SYTL3: variants seen among roughly 807,000 people sequenced by gnomAD.
SYTL3 encodes synaptotagmin like 3.
A neutral mutation model predicts 82.1 loss-of-function variants in SYTL3; 88 were observed. The ratio of observed to expected loss-of-function variants is 1.07; its 90% CI spans 0.90 to 1.28. SYTL3 has a LOEUF of 1.28. Among genes scored for constraint, SYTL3 ranks in the 50% most tolerant of loss-of-function variants. The probability of loss-of-function intolerance (pLI) is 0.00; values close to 1 mark genes in which losing one functional copy is unlikely to be tolerated. For synonymous variants in SYTL3, 311 were observed against 289.4 expected, an observed-to-expected ratio of 1.07 and a Z score of -0.76; for missense variants, 831 against 757.6, an observed-to-expected ratio of 1.10 and a Z score of -1.14.
chr6:158,672,552 GTTTC>G (rs1182212045), intron 5 of SYTL3, among the ~76,000 whole-genome samples: 5 of 109,116 alleles, frequency 4.6e-5, no homozygotes, highest in Non-Finnish European at 7.6e-5. Flanking sequence ...TGGTTTTTTT[GTTTC>G]TTTTTTTTTT....
intron 10 of SYTL3, among the ~76,000 whole-genome samples, chr6:158,718,661 C>T (rs1309327062): frequency 6.6e-6 from 1 of 152,228 alleles, no homozygotes; most frequent in African/African-American, 2.4e-5. Context: ...GCTCTTCCCC[C>T]GCTGTCCACA....
rs1165476971 is a variant in SYTL3 at position 158,742,113 on chromosome 6, C to CT, written c.856-3362dup. Among the ~76,000 whole-genome samples, 10 of 152,276 alleles carry CT rather than the reference C, an allele frequency of 6.6e-5. No homozygotes were observed. The Middle Eastern group carries it at 0.01, about 155-fold the overall frequency. On this transcript the variant is annotated intron_variant, in intron 11 of 17. Coordinates refer to ENST00000611299, the MANE Select transcript of SYTL3 (RefSeq NM_001242394.2). ...CGAATAAGAAAACTGCTCAAATTTG[C>CT]TTTTTGTCTAACATCATTTCCATAG...
rs71298903 is a variant in SYTL3, at chr6:158,674,085, A to AAATAATAAT, written c.329+8500_329+8508dup. On this transcript the variant is annotated intron_variant, in intron 5 of 17. Transcript: ENST00000611299. ...GGCAACATAGTGAGACTGTGTCTCA[A>AAATAATAAT]AATAATAATAATAATAATAATAATA... is the stretch of plus-strand genomic sequence containing the variant. Among the ~76,000 whole-genome samples, 533 of 126,032 alleles carry AAATAATAAT rather than the reference A, an allele frequency of 4.2e-3. 1 individual carries two copies. Among genetic ancestry groups the AAATAATAAT allele is most frequent in the East Asian group, 8.1e-3 (19 of 2,358 alleles). 82.7% of individuals were successfully genotyped at this position (126,032 alleles called of 152,430 possible).
At chr6:158,760,891 C>G (rs2128550700) in intron 15 of SYTL3, 146 bp downstream of exon 15, 1 of 671,092 alleles carries the variant, frequency 1.5e-6, no homozygotes, top group Non-Finnish European at 2.6e-6. Context: ...CTTTCTGAGC[C>G]ATGCAGCGAG....
chr6:158,670,144 A>G (rs545492660), intron 5 of SYTL3, among the ~76,000 whole-genome samples: 156 of 152,358 alleles, frequency 1.0e-3, no homozygotes, highest in African/African-American at 3.4e-3. Context: ...CAGATTTTAG[A>G]AAATGTAATC....
intron 11 of SYTL3, chr6:158,726,850 CTT>C (rs1200378161): frequency 2.9e-4 from 39 of 135,736 alleles, no homozygotes; most frequent in Non-Finnish European, 3.8e-4. Context: ...GTTGAACTTT[CTT>C]TTTTTTTTTT....
At chr6:158,700,882 C>T (rs376926970) in intron 6 of SYTL3, among the ~76,000 whole-genome samples, 3 of 152,310 alleles carry the variant, frequency 2.0e-5, no homozygotes, top group African/African-American at 7.2e-5. Flanking sequence ...TCCCAAGGTG[C>T]TGGGATTACA....
At chr6:158,695,278 C>T (rs1374768331) in intron 6 of SYTL3, among the ~76,000 whole-genome samples, 1 of 152,130 alleles carries the variant, frequency 6.6e-6, no homozygotes, top group African/African-American at 2.4e-5. Flanking sequence ...TTTTCATGCC[C>T]ATCATTATTT....
intron 6 of SYTL3, among the ~76,000 whole-genome samples, chr6:158,688,021 G>A (rs1779471413): frequency 6.6e-6 from 1 of 152,190 alleles, no homozygotes; most frequent in Admixed American, 6.5e-5. Flanking sequence ...AATTTCAAAT[G>A]TATTGTGATC....
intron 9 of SYTL3, 140 bp from the exon 10 acceptor site, chr6:158,717,947 C>A (rs1783616608): frequency 1.5e-6 from 1 of 659,140 alleles, no homozygotes. Flanking sequence ...GAATGTGCCG[C>A]CCTTGCTCCT....
intron 6 of SYTL3, among the ~76,000 whole-genome samples, chr6:158,689,213 A>G (rs1306468885): frequency 6.6e-6 from 1 of 152,244 alleles, no homozygotes; most frequent in Non-Finnish European, 1.5e-5. Flanking sequence ...TAGAAAGAGA[A>G]CAAGATGAAG....
At chr6:158,670,503 C>G (rs317803) in intron 5 of SYTL3, among the ~76,000 whole-genome samples, 1 of 151,998 alleles carries the variant, frequency 6.6e-6, no homozygotes, top group Non-Finnish European at 1.5e-5. Context: ...CATTGCTGGC[C>G]GGGCATGGTG....
At chr6:158,711,418 C>T (rs1583327369) in intron 8 of SYTL3, among the ~76,000 whole-genome samples, 1 of 152,084 alleles carries the variant, frequency 6.6e-6, no homozygotes, top group African/African-American at 2.4e-5. Context: ...AATTGGCTCA[C>T]GTGATCACGG....
chr6:158,663,466 C>T (rs1789610954), intron 4 of SYTL3, 88 bp downstream of exon 4: 3 of 1,544,250 alleles, frequency 1.9e-6, no homozygotes, highest in Non-Finnish European at 2.6e-6. Flanking sequence ...TGTTTGCTTA[C>T]AAATCACTAC....
rs199704961 is a variant in SYTL3, at chr6:158,665,627, G to A, written c.329+14G>A. 198 of 1,531,144 alleles carry A rather than the reference G, an allele frequency of 1.3e-4. No individual in the cohort carries two copies. Among genetic ancestry groups the A allele is most frequent in the East Asian group, 3.4e-4 (14 of 41,682 alleles). 94.8% of individuals were successfully genotyped at this position (1,531,144 alleles called of 1,614,324 possible). A position where few individuals can be genotyped will look rare whatever the true frequency, so the allele number is the denominator to read the frequency against. ...CTTCGAGGACAGGTAAGCATGGCCG[G>A]TGGTTGGATCCCTCCCACTGATTCA... On this transcript the variant is annotated intron_variant, in intron 5 of 17. Transcript: ENST00000611299.
At chr6:158,695,939 T>C (rs1780511701) in intron 6 of SYTL3, among the ~76,000 whole-genome samples, 1 of 152,234 alleles carries the variant, frequency 6.6e-6, no homozygotes, top group South Asian at 2.1e-4. Context: ...CTGATGGACA[T>C]TTGGGTTGTT....
intron 10 of SYTL3, among the ~76,000 whole-genome samples, chr6:158,724,425 G>C (rs1583379184): frequency 6.6e-6 from 1 of 152,236 alleles, no homozygotes; most frequent in East Asian, 1.9e-4. Flanking sequence ...GTATTTCTGA[G>C]TTCTGCTTTC....
chr6:158,657,842 T>C (rs1405387087), intron 2 of SYTL3, among the ~76,000 whole-genome samples: 1 of 151,434 alleles, frequency 6.6e-6, no homozygotes, highest in African/African-American at 2.4e-5. Flanking sequence ...TGAAACAAAA[T>C]AGTCTTCCTT....
intron 5 of SYTL3, among the ~76,000 whole-genome samples, chr6:158,674,256 G>A (rs1777774118): frequency 6.6e-6 from 1 of 152,086 alleles, no homozygotes; most frequent in East Asian, 1.9e-4. Context: ...CTTTTCTGCT[G>A]ATGAAACAGT....
Sources: allele counts gnomAD v4.1 joint callset (sites outside exome capture counted in the v4.1 genomes callset), GRCh38; gene constraint gnomAD v4.1.1; transcripts MANE v1.5; gene names NCBI Gene and HGNC (gene_info 2026-07-23, HGNC 2026-07-21).